SRD5A1: variants seen among roughly 807,000 people sequenced by gnomAD.
SRD5A1 encodes the protein steroid 5 alpha-reductase 1.
Under a neutral mutation model 28.2 loss-of-function variants are expected in SRD5A1, and 22 were observed. The observed-to-expected ratio is 0.78, with a 90% CI of 0.56 to 1.12. The LOEUF (loss-of-function observed/expected upper bound fraction) is 1.12. SRD5A1 is among the 50% of genes most tolerant of loss of function. The probability of loss-of-function intolerance (pLI) is 0.00; values close to 1 mark genes in which losing one functional copy is unlikely to be tolerated. For synonymous variants in SRD5A1, 151 were observed against 135.0 expected (o/e 1.12, Z -0.82); for missense variants, 300 against 346.7 (o/e 0.87, Z 1.07).
chr5:6,639,005 T>G (rs1463147493), intron 1 of SRD5A1, among the ~76,000 whole-genome samples: 3 of 152,246 alleles, frequency 2.0e-5, no homozygotes, highest in Non-Finnish European at 4.4e-5. Flanking sequence ...AAATTCTCTA[T>G]TTCATTGTTC....
chr5:6,634,459 G>T (rs1738112377), intron 1 of SRD5A1, among the ~76,000 whole-genome samples: 2 of 152,236 alleles, frequency 1.3e-5, no homozygotes, highest in African/African-American at 2.4e-5. Flanking sequence ...AATGCTGATG[G>T]TCGGTCTTGA....
rs1271629814 is a variant in SRD5A1, at chr5:6,668,942, A to C, written c.*674A>C. 6.6e-6 allele frequency: 1 copy of C among 152,356 alleles called. No homozygotes were observed. Among genetic ancestry groups the C allele is most frequent in the Non-Finnish European group, 1.5e-5 (1 of 68,166 alleles). 9.4% of individuals were successfully genotyped at this position (152,356 alleles called of 1,614,324 possible). Reference sequence around the variant, plus strand: ...GGGGTGCTGGTGGTGGTTCATACGGAGTAAGCTGCTCTGCCTGTGTGAGTG... The same window carrying C: ...GGGGTGCTGGTGGTGGTTCATACGGCGTAAGCTGCTCTGCCTGTGTGAGTG... On this transcript the variant is annotated 3_prime_UTR_variant, in exon 5 of 5. Transcript: ENST00000274192.
rs947125119 is a variant in SRD5A1 at position 6,672,550 on chromosome 5, C to A, written c.*4282C>A. On this transcript the variant is annotated 3_prime_UTR_variant, in exon 5 of 5. Transcript: ENST00000274192. Reference sequence around the variant, plus strand: ...TTGGCCTCCCAAGGTGCTGGGATTACAGGCACAAGCCACAGCTCCCGGCCC... The same window carrying A: ...TTGGCCTCCCAAGGTGCTGGGATTAAAGGCACAAGCCACAGCTCCCGGCCC... The A allele has an allele frequency of 2.6e-5, 4 of 152,228 alleles. No individual in the cohort carries two copies. The highest frequency in any genetic ancestry group is 5.9e-5 in the Non-Finnish European group (4 of 68,056). The allele number at this position is 152,228 out of a possible 1,614,324, so 9.4% of individuals were successfully genotyped here.
chr5:6,643,733 C>A (rs1027047924), intron 1 of SRD5A1, among the ~76,000 whole-genome samples: 2 of 152,180 alleles, frequency 1.3e-5, no homozygotes, highest in South Asian at 2.1e-4. Context: ...ATTAACTCAC[C>A]GTTGATGCAC....
intron 3 of SRD5A1, among the ~76,000 whole-genome samples, chr5:6,661,507 G>A (rs1469853716): frequency 6.8e-6 from 1 of 147,580 alleles, no homozygotes; most frequent in Admixed American, 6.8e-5. Flanking sequence ...TTGGTCTTAT[G>A]ACTTAGGGCG....
In SRD5A1 at chr5:6,644,503, C is replaced by T. The variant is rs569454506; in HGVS notation, c.294-7339C>T. On this transcript the variant is annotated intron_variant, in intron 1 of 4. Transcript: ENST00000274192. ...AAGTTTTCTCTCAACTTTCTCATAC[C>T]GGTGTCCCTTTTGCTCTTTGCCGCA... is the stretch of plus-strand genomic sequence containing the variant. Among the ~76,000 whole-genome samples the T allele has an allele frequency of 1.3e-4, 20 of 152,250 alleles. 1 individual carries two copies. In the South Asian group the frequency reaches 3.5e-3, roughly 27 times the overall value.
rs1008822488 is a variant in SRD5A1, at chr5:6,674,320, A to G, written c.*6052A>G. 2.6e-5 allele frequency: 4 copies of G among 152,088 alleles called. No individual in the cohort carries two copies. The highest frequency in any genetic ancestry group is 5.9e-5 in the Non-Finnish European group (4 of 68,006). The allele number at this position is 152,088 out of a possible 1,614,324, so 9.4% of individuals were successfully genotyped here. On this transcript the variant is annotated 3_prime_UTR_variant, in exon 5 of 5. Coordinates refer to ENST00000274192, the MANE Select transcript of SRD5A1 (RefSeq NM_001047.4). ...GTGAGAACTCTGTACTTTCTTTTCA[A>G]TGTTTCTGTAAACATAAAGCTGCTC...
chr5:6,667,345 A>G (rs1223050324), intron 4 of SRD5A1, among the ~76,000 whole-genome samples: 2 of 152,202 alleles, frequency 1.3e-5, no homozygotes, highest in African/African-American at 4.8e-5. Flanking sequence ...GTATGTTCGA[A>G]TTCTCTATTT....
intron 4 of SRD5A1, among the ~76,000 whole-genome samples, chr5:6,663,543 C>T (rs990081553): frequency 6.6e-6 from 1 of 152,126 alleles, no homozygotes; most frequent in African/African-American, 2.4e-5. Context: ...GGCTTGCGAG[C>T]CATTTGACCA....
intron 2 of SRD5A1, among the ~76,000 whole-genome samples, chr5:6,654,413 T>G (rs1272046881): frequency 1.3e-5 from 2 of 149,366 alleles, no homozygotes; most frequent in Non-Finnish European, 3.0e-5. Flanking sequence ...AAATATTTTA[T>G]AGAAAGATTT....
intron 3 of SRD5A1, among the ~76,000 whole-genome samples, chr5:6,660,309 T>C (rs75959213): frequency 0.022 from 3,374 of 152,342 alleles, 51 homozygotes; most frequent in Non-Finnish European, 0.027. Context: ...CACCACACCG[T>C]GTGTCCCACA....
chr5:6,655,662 A>C (rs1488153175), intron 2 of SRD5A1, among the ~76,000 whole-genome samples: 1 of 152,232 alleles, frequency 6.6e-6, no homozygotes, highest in African/African-American at 2.4e-5. Context: ...GCACAGGAGC[A>C]TCACCCCTCC....
intron 1 of SRD5A1, 64 bp from the exon 2 acceptor site, chr5:6,651,778 T>C (rs1414526619): frequency 2.8e-6 from 4 of 1,439,660 alleles, no homozygotes; most frequent in East Asian, 2.3e-5. Flanking sequence ...TCATTTAAGA[T>C]AGGATTACAG....
chr5:6,656,253 C>T (rs1738830619), intron 3 of SRD5A1, 74 bp downstream of exon 3: 1 of 1,191,590 alleles, frequency 8.4e-7, no homozygotes, highest in Non-Finnish European at 1.2e-6. Context: ...GTTGCCAGCT[C>T]TAAGAAGTAG....
chr5:6,665,706 G>C (rs1184915049), intron 4 of SRD5A1, among the ~76,000 whole-genome samples: 1 of 152,066 alleles, frequency 6.6e-6, no homozygotes, highest in South Asian at 2.1e-4. Context: ...AAAAAACACG[G>C]ATCAGAGTAA....
At chr5:6,637,412 C>T (rs1259995892) in intron 1 of SRD5A1, among the ~76,000 whole-genome samples, 1 of 152,160 alleles carries the variant, frequency 6.6e-6, no homozygotes, top group East Asian at 1.9e-4. Flanking sequence ...TCTCTACCCT[C>T]GTTTGTAAAT....
At chr5:6,664,427 C>T (rs952864618) in intron 4 of SRD5A1, among the ~76,000 whole-genome samples, 2 of 151,806 alleles carry the variant, frequency 1.3e-5, no homozygotes, top group African/African-American at 4.8e-5. Context: ...TTTTTTAAGA[C>T]AGCATCTCAC....
chr5:6,641,194 G>A (rs1738345572), intron 1 of SRD5A1, among the ~76,000 whole-genome samples: 1 of 152,146 alleles, frequency 6.6e-6, no homozygotes, highest in Non-Finnish European at 1.5e-5. Context: ...TATGCCTGGG[G>A]TCCGCTGCAC....
intron 1 of SRD5A1, among the ~76,000 whole-genome samples, chr5:6,634,120 A>G (rs1248260818): frequency 2.0e-5 from 3 of 152,226 alleles, no homozygotes; most frequent in African/African-American, 7.2e-5. Context: ...AGTGATGGAA[A>G]AAAACATGAT....
Sources: gnomAD v4.1 joint callset for allele counts (sites outside exome capture counted in the v4.1 genomes callset) on GRCh38, gnomAD v4.1.1 for gene constraint, MANE v1.5 for transcripts, NCBI Gene and HGNC (gene_info 2026-07-23, HGNC 2026-07-21) for gene names.